The following NCOA1 variants were observed in gnomAD, a reference collection of about 807,000 sequenced individuals.
NCOA1 encodes Hin-2 protein.
NCOA1 carries 35 observed loss-of-function variants against 150.9 expected under a neutral mutation model. The observed-to-expected ratio is 0.23, with a 90% confidence interval of 0.18 to 0.31. The LOEUF (loss-of-function observed/expected upper bound fraction) is 0.31. Ranked by LOEUF, NCOA1 falls within the 10% of genes least tolerant of loss-of-function variation. The pLI is 1.00. For missense variants in NCOA1, 1,491 were observed against 1,749.3 expected, an observed-to-expected ratio of 0.85 and a Z score of 2.63; for synonymous variants, 590 against 630.0, an observed-to-expected ratio of 0.94 and a Z score of 0.95.
intron 3 of NCOA1, among the ~76,000 whole-genome samples, chr2:24,633,512 C>T (rs774637366): frequency 5.5e-4 from 84 of 151,900 alleles, no homozygotes; most frequent in Non-Finnish European, 1.1e-3. Context: ...TAATTGAAGG[C>T]GAAGTACTTA....
rs1664290388 is a variant in NCOA1, at chr2:24,752,283, C to T, written c.3881+127C>T. 6.6e-6 allele frequency: 7 copies of T among 1,061,762 alleles called. No homozygotes were observed. The South Asian group carries it at 7.3e-5, about 11-fold the overall frequency. The allele number at this position is 1,061,762 out of a possible 1,614,324, so 65.8% of individuals were successfully genotyped here. A position where few individuals can be genotyped will look rare whatever the true frequency, so the allele number is the denominator to read the frequency against. ...TGAAAGAAGGCCGGACACAAAAGGC[C>T]ACATATGGCTACATTTATATGACGT... On this transcript the variant is annotated intron_variant, in intron 20 of 22. Transcript: ENST00000348332.
intron 1 of NCOA1, among the ~76,000 whole-genome samples, chr2:24,497,873 C>T (rs1036822879): frequency 3.9e-5 from 6 of 151,990 alleles, no homozygotes. Context: ...TTTTTTGGAA[C>T]AAATTGCTTG....
At chr2:24,653,340 C>T (rs985708757) in intron 4 of NCOA1, among the ~76,000 whole-genome samples, 2 of 151,986 alleles carry the variant, frequency 1.3e-5, no homozygotes. Flanking sequence ...AGAATATTCC[C>T]TAATTTCTAG....
intron 8 of NCOA1, among the ~76,000 whole-genome samples, chr2:24,683,345 C>T (rs548333743): frequency 4.6e-5 from 7 of 152,064 alleles, no homozygotes; most frequent in African/African-American, 1.7e-4. Flanking sequence ...TCAGCTTCTT[C>T]CTTTATACTG....
At chr2:24,687,153 A>G (rs956598221) in intron 8 of NCOA1, among the ~76,000 whole-genome samples, 8 of 151,948 alleles carry the variant, frequency 5.3e-5, no homozygotes, top group African/African-American at 1.9e-4. Flanking sequence ...CTTAATTCCT[A>G]ACCATTCCTC....
In NCOA1 at chr2:24,697,815, C is replaced by T. The variant is rs769781445; in HGVS notation, c.949+17C>T. ...TCCAAGAAGGTAAAATTTTCTCTCT[C>T]AATTATTTTCATTAACCCTTATCTT... On this transcript the variant is annotated intron_variant, in intron 11 of 22. Transcript: ENST00000348332. 5.0e-6 allele frequency: 8 copies of T among 1,603,414 alleles called. No homozygotes were observed. In the African/African-American group the frequency reaches 9.4e-5, roughly 19 times the overall value.
Position 24,629,819 on chromosome 2 carries a change from T to TATATAG in NCOA1, c.-174-14142_-174-14141insGATATA, listed in dbSNP as rs1553439192. Among the ~76,000 whole-genome samples, 49 of 94,468 alleles carry TATATAG rather than the reference T, an allele frequency of 5.2e-4. 1 individual carries two copies. In the South Asian group the frequency reaches 0.01, roughly 19 times the overall value. 62.0% of individuals were successfully genotyped at this position (94,468 alleles called of 152,430 possible). A position where few individuals can be genotyped will look rare whatever the true frequency, so the allele number is the denominator to read the frequency against. On this transcript the variant is annotated intron_variant, in intron 3 of 22. Coordinates refer to ENST00000348332, the MANE Select transcript of NCOA1 (RefSeq NM_003743.5). ...CACTGTTTTAAGTAACATACATACA[T>TATATAG]ATATATATATATATATATATATATA...
At chr2:24,613,250 G>A (rs1668714568) in intron 3 of NCOA1, among the ~76,000 whole-genome samples, 1 of 152,166 alleles carries the variant, frequency 6.6e-6, no homozygotes, top group Non-Finnish European at 1.5e-5. Flanking sequence ...GCGCTTACGG[G>A]TAAGATCACT....
intron 2 of NCOA1, among the ~76,000 whole-genome samples, chr2:24,575,551 T>A (rs1026146515): frequency 6.6e-6 from 1 of 151,712 alleles, no homozygotes; most frequent in Non-Finnish European, 1.5e-5. Context: ...GGTTTTGTGA[T>A]AAAGAGGCCA....
chr2:24,595,458 G>A (rs1395864072), intron 3 of NCOA1, among the ~76,000 whole-genome samples: 4 of 151,966 alleles, frequency 2.6e-5, no homozygotes, highest in East Asian at 1.9e-4. Context: ...GAGTCTTGAC[G>A]CTTTCCATCA....
chr2:24,730,066 G>A (rs1439879043), intron 17 of NCOA1, among the ~76,000 whole-genome samples: 2 of 152,038 alleles, frequency 1.3e-5, no homozygotes, highest in Non-Finnish European at 2.9e-5. Context: ...GGATGGTCTC[G>A]ATCTGTTGAC....
chr2:24,697,045 TATG>T (rs1450566405), intron 10 of NCOA1, among the ~76,000 whole-genome samples: 2 of 152,146 alleles, frequency 1.3e-5, no homozygotes, highest in Non-Finnish European at 2.9e-5. Context: ...TTTGTTTAAA[TATG>T]ATAACAATGG....
rs1448489875 is a variant in NCOA1 at position 24,761,320 on chromosome 2, TC to T, written c.4066-1366del. 2.0e-5 allele frequency among the ~76,000 whole-genome samples: 3 copies of T among 152,218 alleles called. No homozygotes were observed. The East Asian group carries it at 5.8e-4, about 29-fold the overall frequency. On this transcript the variant is annotated intron_variant, in intron 21 of 22. Transcript: ENST00000348332. ...CTGGGATGAGGTTCAGTTATTTTTTTCTTTGATTTTAGAACATTTATATTAC... is the reference window on the plus strand; with the variant it reads ...CTGGGATGAGGTTCAGTTATTTTTTTTTTGATTTTAGAACATTTATATTAC...
intron 1 of NCOA1, among the ~76,000 whole-genome samples, chr2:24,535,963 T>A (rs1230608056): frequency 6.6e-6 from 1 of 152,130 alleles, no homozygotes; most frequent in East Asian, 1.9e-4. Context: ...ATCTTTATGG[T>A]GTTCTGTGTA....
At chr2:24,613,505 C>G (rs1375663864) in intron 3 of NCOA1, among the ~76,000 whole-genome samples, 1 of 152,168 alleles carries the variant, frequency 6.6e-6, no homozygotes, top group Non-Finnish European at 1.5e-5. Flanking sequence ...CAGAGGTGGT[C>G]CTAGGCATGG....
At chr2:24,694,774 C>G (rs1486221165) in intron 10 of NCOA1, among the ~76,000 whole-genome samples, 3 of 151,856 alleles carry the variant, frequency 2.0e-5, no homozygotes, top group African/African-American at 7.3e-5. Context: ...AATAAACGTA[C>G]TATGGATATG....
In NCOA1 at chr2:24,629,840, A is replaced by ATATC. The variant is rs1669618423; in HGVS notation, c.-174-14123_-174-14122insCTAT. ...TACATATATATATATATATATATAT[A>ATATC]TATATATGTATTTTTTTTTTTGAGA... On this transcript the variant is annotated intron_variant, in intron 3 of 22. Transcript: ENST00000348332. Among the ~76,000 whole-genome samples, 5 of 136,662 alleles carry ATATC rather than the reference A, an allele frequency of 3.7e-5. No individual in the cohort carries two copies. The South Asian group carries it at 1.1e-3, about 30-fold the overall frequency. 89.7% of individuals were successfully genotyped at this position (136,662 alleles called of 152,430 possible). A position where few individuals can be genotyped will look rare whatever the true frequency, so the allele number is the denominator to read the frequency against.
intron 8 of NCOA1, among the ~76,000 whole-genome samples, chr2:24,689,825 C>A (rs1672580372): frequency 6.6e-6 from 1 of 152,198 alleles, no homozygotes; most frequent in South Asian, 2.1e-4. Context: ...TTTTTACATT[C>A]ATTTTTCTTT....
chr2:24,754,886 A>G (rs1664424477), intron 20 of NCOA1, among the ~76,000 whole-genome samples: 1 of 152,224 alleles, frequency 6.6e-6, no homozygotes, highest in Non-Finnish European at 1.5e-5. Flanking sequence ...AAATATGGGT[A>G]TAGGTTTTCG....
Sources: allele counts gnomAD v4.1 joint callset (sites outside exome capture counted in the v4.1 genomes callset), GRCh38; gene constraint gnomAD v4.1.1; transcripts MANE v1.5; gene names NCBI Gene and HGNC (gene_info 2026-07-23, HGNC 2026-07-21).